The following CD34 variants were observed in gnomAD, a reference collection of about 807,000 sequenced individuals.
CD34 encodes the protein CD34 molecule.
Under a neutral mutation model 40.1 loss-of-function variants are expected in CD34, and 34 were observed. The ratio of observed to expected loss-of-function variants is 0.85; its 90% confidence interval spans 0.65 to 1.13. The LOEUF (loss-of-function observed/expected upper bound fraction) is 1.13, where lower values mean the gene tolerates loss of function less well. Ranked by LOEUF, CD34 falls within the 50% of genes most tolerant of loss-of-function variation. CD34 has a pLI of 0.00. For synonymous variants in CD34, 209 were observed against 190.0 expected (o/e 1.10, Z -0.82); for missense variants, 426 against 466.9 (o/e 0.91, Z 0.81).
intron 7 of CD34, 98 bp downstream of exon 7, chr1:207,888,583 CT>C: frequency 8.4e-7 from 1 of 1,191,586 alleles, no homozygotes; most frequent in Non-Finnish European, 1.2e-6. Flanking sequence ...CACAGAAGGG[CT>C]TTTTCTAGTA....
At chr1:207,889,247 G>T in intron 5 of CD34, 34 bp from the exon 6 acceptor site, 3 of 1,613,960 alleles carry the variant, frequency 1.9e-6, no homozygotes. Context: ...TAAATCTAAA[G>T]AGAAACCAGC....
intron 4 of CD34, chr1:207,889,953 A>T (rs1011044047): frequency 6.3e-5 from 93 of 1,472,854 alleles, no homozygotes; most frequent in Non-Finnish European, 8.1e-5. Context: ...AACAGAAAAT[A>T]TTAATAATGC....
At chr1:207,891,258 GA>G (rs532818666) in intron 4 of CD34, among the ~76,000 whole-genome samples, 183 of 152,328 alleles carry the variant, frequency 1.2e-3, no homozygotes, top group African/African-American at 4.3e-3. Flanking sequence ...GACACTGCGT[GA>G]AAGCCTCTGT....
intron 5 of CD34, 23 bp from the exon 6 acceptor site, chr1:207,889,236 C>G: frequency 6.2e-7 from 1 of 1,613,946 alleles, no homozygotes; most frequent in Middle Eastern, 1.6e-4. Context: ...ACAAGGGTTG[C>G]TAAATCTAAA....
At position 207,899,873 on chromosome 1, in the gene CD34, G is replaced by A; in HGVS notation, c.210C>T (p.Thr70=). The A allele has an allele frequency of 2.5e-6, 4 of 1,613,822 alleles. No homozygotes were observed. In the South Asian group the frequency reaches 4.4e-5, roughly 18 times the overall value. ...ETTTPSTLGS[T]SLHPVSQHGN... ...CATGTTGAGACACAGGGTGCAGGCT[G>A]GTACTTCCAAGGGTACTAGGTGTTG... Residue 70 remains threonine (T), a synonymous_variant, in exon 2 of 8, where the codon ACC becomes ACT. Transcript: ENST00000310833.
At chr1:207,892,376 G>C (rs1365960644) in intron 4 of CD34, among the ~76,000 whole-genome samples, 1 of 152,148 alleles carries the variant, frequency 6.6e-6, no homozygotes. Flanking sequence ...CCAAGGGTTC[G>C]AGACCAGCCT....
In CD34 at chr1:207,911,002, G is replaced by A; in HGVS notation, c.79C>T (p.Pro27Ser). The A allele has an allele frequency of 1.3e-6, 2 of 1,585,082 alleles. No homozygotes were observed. The highest frequency in any genetic ancestry group is 1.1e-5 in the South Asian group (1 of 87,708). ...GCCGCGGCGCGCGGGCGGTACTCAC[G>A]CAGCAAACTCAGCAAGCAAAGCGCG... The part of the protein sequence containing the change: ...WTALCLLSLL[P>S]SGFMSLDNNG... The change falls in exon 1 of 8, where the codon CCT becomes TCT. Residue 27 changes from proline (P) to serine (S), a missense_variant and splice_region_variant. Coordinates refer to ENST00000310833, the MANE Select transcript of CD34 (RefSeq NM_001025109.2).
intron 1 of CD34, among the ~76,000 whole-genome samples, chr1:207,907,347 T>C (rs1452052279): frequency 6.6e-6 from 1 of 152,188 alleles, no homozygotes; most frequent in Non-Finnish European, 1.5e-5. Flanking sequence ...TGGAGTCCTA[T>C]CAGCCTTGTG....
intron 1 of CD34, among the ~76,000 whole-genome samples, chr1:207,902,102 G>A (rs2102303936): frequency 6.6e-6 from 1 of 152,308 alleles, no homozygotes; most frequent in South Asian, 2.1e-4. Context: ...CCTGCTGCAA[G>A]CAGATTGCTA....
Position 207,899,838 on chromosome 1 carries a change from G to T in CD34, c.245C>A (p.Ala82Asp). 1.2e-6 allele frequency: 2 copies of T among 1,611,440 alleles called. No individual in the cohort carries two copies. The highest frequency in any genetic ancestry group is 1.7e-6 in the Non-Finnish European group (2 of 1,178,926). The change falls in exon 2 of 8, where the codon GCC (alanine) becomes GAC (aspartate). Residue 82 changes from alanine (A) to aspartate (D), a missense_variant. Coordinates refer to ENST00000310833, the MANE Select transcript of CD34 (RefSeq NM_001025109.2). ...LHPVSQHGNEATTNITETTVK... is the reference protein window; with the variant it reads ...LHPVSQHGNEDTTNITETTVK... The stretch of plus-strand genomic sequence containing the variant: ...GTTTTTACCTGTGATGTTTGTTGTG[G>T]CCTCATTGCCATGTTGAGACACAGG...
intron 4 of CD34, chr1:207,890,567 G>T (rs1307792001): frequency 6.6e-6 from 1 of 152,272 alleles, no homozygotes; most frequent in Non-Finnish European, 1.5e-5. Context: ...AGTTGGAATG[G>T]AGCCTGGGTA....
chr1:207,899,817 T>C lies in CD34; in HGVS notation c.262+4A>G, dbSNP rs768227484. The C allele has an allele frequency of 3.3e-5, 53 of 1,607,424 alleles. No individual in the cohort carries two copies. Among genetic ancestry groups the C allele is most frequent in the Non-Finnish European group, 4.1e-5 (48 of 1,177,062 alleles). Reference sequence around the variant, plus strand: ...CCGGGATCTGACACAAATGCTGTTTTTACCTGTGATGTTTGTTGTGGCCTC... The same window carrying C: ...CCGGGATCTGACACAAATGCTGTTTCTACCTGTGATGTTTGTTGTGGCCTC... On this transcript the variant is annotated splice_donor_region_variant and intron_variant, in intron 2 of 7. Transcript: ENST00000310833.
At chr1:207,909,267 A>G (rs963809028) in intron 1 of CD34, among the ~76,000 whole-genome samples, 1 of 152,160 alleles carries the variant, frequency 6.6e-6, no homozygotes, top group Non-Finnish European at 1.5e-5. Flanking sequence ...GGCACTTACC[A>G]GCTGAGGAAA....
rs999894148 is a variant in CD34, at chr1:207,886,974, G to A, written c.*764C>T. On this transcript the variant is annotated 3_prime_UTR_variant, in exon 8 of 8. Transcript: ENST00000310833. The stretch of plus-strand genomic sequence containing the variant: ...GTGAGAGGCTCAGCTCCAAGACCTG[G>A]TCCCATGGTCCTGCCTACTTTGATC... The A allele has an allele frequency of 6.6e-6, 1 of 152,466 alleles. No individual in the cohort carries two copies. The highest frequency in any genetic ancestry group is 1.5e-5 in the Non-Finnish European group (1 of 68,232). 9.4% of individuals were successfully genotyped at this position (152,466 alleles called of 1,614,324 possible).
intron 4 of CD34, among the ~76,000 whole-genome samples, chr1:207,896,369 A>G (rs1028547359): frequency 6.6e-6 from 1 of 152,250 alleles, no homozygotes; most frequent in Admixed American, 6.5e-5. Context: ...CAATGCAGTA[A>G]GACATGAAAC....
Position 207,887,714 on chromosome 1 carries a change from C to T in CD34, c.*24G>A. On this transcript the variant is annotated 3_prime_UTR_variant, in exon 8 of 8. Transcript: ENST00000310833. ...AGAGGGGTGCTCTCTCGGACACTGC[C>T]CAGCCTTGCCCCACCTAGCCGAGTC... 6.2e-7 allele frequency: 1 copy of T among 1,613,868 alleles called. No homozygotes were observed. Among genetic ancestry groups the T allele is most frequent in the Non-Finnish European group, 8.5e-7 (1 of 1,179,860 alleles).
At chr1:207,902,502 C>A (rs914216184) in intron 1 of CD34, among the ~76,000 whole-genome samples, 4 of 152,190 alleles carry the variant, frequency 2.6e-5, no homozygotes, top group African/African-American at 9.6e-5. Context: ...TCAGATTCAT[C>A]TGAATTCATC....
At chr1:207,889,326 G>A (rs1485556795) in intron 5 of CD34, 113 bp from the exon 6 acceptor site, 1 of 1,563,740 alleles carries the variant, frequency 6.4e-7, no homozygotes, top group Non-Finnish European at 8.7e-7. Flanking sequence ...CATCTCGGGG[G>A]GACCGCTCCC....
chr1:207,888,908 CCAGCCCTCTGTGTGTG>C lies in CD34; in HGVS notation c.808-78_808-63del, dbSNP rs1558117406. Reference sequence around the variant, plus strand: ...TGCCAAAAGTGGAGCCCAGCCCGCTCCAGCCCTCTGTGTGTGACTCAACAGTGAACAGATGCTTGAG... The same window carrying C: ...TGCCAAAAGTGGAGCCCAGCCCGCTCACTCAACAGTGAACAGATGCTTGAG... On this transcript the variant is annotated intron_variant, in intron 6 of 7. Coordinates refer to ENST00000310833, the MANE Select transcript of CD34 (RefSeq NM_001025109.2). 3.9e-6 allele frequency: 6 copies of C among 1,541,098 alleles called. No homozygotes were observed. In the African/African-American group the frequency reaches 8.2e-5, roughly 21 times the overall value.
Sources: gnomAD v4.1 joint callset for allele counts (sites outside exome capture counted in the v4.1 genomes callset) on GRCh38, gnomAD v4.1.1 for gene constraint, MANE v1.5 for transcripts, NCBI Gene and HGNC (gene_info 2026-07-23, HGNC 2026-07-21) for gene names.